MKI67: variants seen among roughly 807,000 people sequenced by gnomAD.
MKI67 encodes the protein marker of proliferation Ki-67.
In MKI67, 152 loss-of-function variants were observed where a neutral mutation model predicts 233.5. The observed-to-expected ratio is 0.65, with a 90% CI of 0.57 to 0.74. The LOEUF (loss-of-function observed/expected upper bound fraction) is 0.74. Among genes scored for constraint, MKI67 ranks in the 30% least tolerant of loss-of-function variants. MKI67 has a pLI of 0.00. For missense variants in MKI67, 3,940 were observed against 3,885.2 expected, an observed-to-expected ratio of 1.01 and a Z score of -0.37; for synonymous variants, 1,465 against 1,418.5, an observed-to-expected ratio of 1.03 and a Z score of -0.74.
Position 128,102,870 on chromosome 10 carries a change from G to A in MKI67, c.8970C>T (p.Ser2990=), listed in dbSNP as rs1250994979. The part of the protein sequence containing the change: ...PVKSQSKSNT[S]LPPLPFKRGG... ...CCCTCTTGAAGGGCAGTGGGGGCAG[G>A]GAAGTGTTGCTTTTGCTTTGTGATT... Residue 2990 remains serine (S), a synonymous_variant, in exon 13 of 15, where the codon TCC becomes TCT. Coordinates refer to ENST00000368654, the MANE Select transcript of MKI67 (RefSeq NM_002417.5). 6.2e-7 allele frequency: 1 copy of A among 1,614,070 alleles called. No individual in the cohort carries two copies. The highest frequency in any genetic ancestry group is 8.5e-7 in the Non-Finnish European group (1 of 1,180,052).
In MKI67 at chr10:128,106,137, G is replaced by C. The variant is rs951786576; in HGVS notation, c.5703C>G (p.Gly1901=). ...LAFRKLTPSA[G]KAMHTPKAAV... ...CTGCTTTAGGCGTGTGCATGGCTTT[G>C]CCTGCTGATGGTGTTAGTTTCCTGA... is the stretch of plus-strand genomic sequence containing the variant. The change falls in exon 13 of 15, where the codon GGC becomes GGG. Residue 1901 remains glycine, a synonymous_variant. Coordinates refer to ENST00000368654, the MANE Select transcript of MKI67 (RefSeq NM_002417.5). The C allele has an allele frequency of 6.8e-6, 11 of 1,613,910 alleles. No homozygotes were observed. Among genetic ancestry groups the C allele is most frequent in the Non-Finnish European group, 6.8e-6 (8 of 1,180,020 alleles).
At chr10:128,117,314 G>C (rs1022455920) in intron 5 of MKI67, among the ~76,000 whole-genome samples, 1 of 152,218 alleles carries the variant, frequency 6.6e-6, no homozygotes, top group Non-Finnish European at 1.5e-5. Flanking sequence ...CGCCCTCTTG[G>C]CTGGTGGATA....
At chr10:128,124,616 C>G (rs1853017403) in intron 2 of MKI67, among the ~76,000 whole-genome samples, 1 of 152,134 alleles carries the variant, frequency 6.6e-6, no homozygotes, top group Non-Finnish European at 1.5e-5. Context: ...CCATCCCTGG[C>G]CCTACACACG....
rs1236660287 is a variant in MKI67 at position 128,126,366 on chromosome 10, C to T, written c.-357G>A. Reference sequence around the variant, plus strand: ...GGCGCCCGGCTCTAGCGGCTCCCACCGAGTCGAGTCCTCCCGCCCGCCCGC... The same window carrying T: ...GGCGCCCGGCTCTAGCGGCTCCCACTGAGTCGAGTCCTCCCGCCCGCCCGC... On this transcript the variant is annotated 5_prime_UTR_variant, in exon 1 of 15. Coordinates refer to ENST00000368654, the MANE Select transcript of MKI67 (RefSeq NM_002417.5). 1 of 124,984 alleles carries T rather than the reference C, an allele frequency of 8.0e-6. No individual in the cohort carries two copies. The highest frequency in any genetic ancestry group is 1.7e-5 in the Non-Finnish European group (1 of 57,440). The allele number at this position is 124,984 out of a possible 1,614,324, so 7.7% of individuals were successfully genotyped here.
chr10:128,101,369 C>T lies in MKI67; in HGVS notation c.9594G>A (p.Met3198Ile). 1 of 1,614,190 alleles carries T rather than the reference C, an allele frequency of 6.2e-7. No individual in the cohort carries two copies. ...GKGEAGNSDS[M>I]CLRSRKTKSQ... ...TTTTTGTCTTTCTTGATCTCAGGCACATGGAGTCTGAATTTCCTGCTTCTC... is the reference window on the plus strand; with the variant it reads ...TTTTTGTCTTTCTTGATCTCAGGCATATGGAGTCTGAATTTCCTGCTTCTC... Residue 3198 changes from methionine (M) to isoleucine (I), a missense_variant, in exon 14 of 15, where the codon ATG becomes ATA. Met to Ile is a conservative substitution (Grantham distance 10). Coordinates refer to ENST00000368654, the MANE Select transcript of MKI67 (RefSeq NM_002417.5).
At chr10:128,101,202 A>G (rs1852325236) in intron 14 of MKI67, 56 bp downstream of exon 14, 1 of 1,558,874 alleles carries the variant, frequency 6.4e-7, no homozygotes. Flanking sequence ...CCTTGGGCAA[A>G]AAATACATCA....
chr10:128,101,634 AC>A lies in MKI67; in HGVS notation c.9328del (p.Val3110TyrfsTer2). 1 of 1,613,680 alleles carries A rather than the reference AC, an allele frequency of 6.2e-7. No homozygotes were observed. Among genetic ancestry groups the A allele is most frequent in the Non-Finnish European group, 8.5e-7 (1 of 1,179,958 alleles). ...GTTTATTTCTATTCTTTCTGCTAAT[AC>A]AAAGACCTCAGTTATTTGCTGTTCT... ...EAEQQITEVF[V>X]LAERIEINRN... On this transcript the variant is annotated frameshift_variant, in exon 14 of 15. Coordinates refer to ENST00000368654, the MANE Select transcript of MKI67 (RefSeq NM_002417.5). LOFTEE classifies it high-confidence loss of function.
chr10:128,099,096 A>T lies in MKI67; in HGVS notation c.*94T>A. 1.0e-6 allele frequency: 1 copy of T among 954,062 alleles called. No individual in the cohort carries two copies. The highest frequency in any genetic ancestry group is 1.6e-6 in the Non-Finnish European group (1 of 635,410). The allele number at this position is 954,062 out of a possible 1,614,324, so 59.1% of individuals were successfully genotyped here. A position where few individuals can be genotyped will look rare whatever the true frequency, so the allele number is the denominator to read the frequency against. ...TTCCCTTAAGCAGACTGACAGCCTT[A>T]CTTACAGAATTCACTTGTAATTTAT... On this transcript the variant is annotated 3_prime_UTR_variant, in exon 15 of 15. Transcript: ENST00000368654.
In MKI67 at chr10:128,121,758, A is replaced by T. The variant is rs185240532; in HGVS notation, c.287+1123T>A. Among the ~76,000 whole-genome samples the T allele has an allele frequency of 7.3e-4, 111 of 151,626 alleles. No homozygotes were observed. In the East Asian group the frequency reaches 0.02, roughly 28 times the overall value. ...TCAAATGTCCATCAAGAATGAATGA[A>T]TTCTGTATAGTTATGTATATTATTG... On this transcript the variant is annotated intron_variant, in intron 4 of 14. Transcript: ENST00000368654.
In MKI67 at chr10:128,098,687, A is replaced by T. The variant is rs1211663708; in HGVS notation, c.*503T>A. On this transcript the variant is annotated 3_prime_UTR_variant, in exon 15 of 15. Transcript: ENST00000368654. ...TCCTGTGCAGATGTCCAATAGCCTTAATTTGGGGACCAAATGCCCCCGGCC... is the reference window on the plus strand; with the variant it reads ...TCCTGTGCAGATGTCCAATAGCCTTTATTTGGGGACCAAATGCCCCCGGCC... The T allele has an allele frequency of 6.5e-6, 1 of 152,678 alleles. No individual in the cohort carries two copies. The highest frequency in any genetic ancestry group is 1.5e-5 in the Non-Finnish European group (1 of 68,418). 9.5% of individuals were successfully genotyped at this position (152,678 alleles called of 1,614,324 possible). A position where few individuals can be genotyped will look rare whatever the true frequency, so the allele number is the denominator to read the frequency against.
At position 128,112,357 on chromosome 10, in the gene MKI67, G is replaced by A; in HGVS notation, c.1745C>T (p.Ala582Val). ...KAQSLVISPP[A>V]PSPRKTPVAS... ...AACTGGAGTTTTCCTAGGACTAGGAGCTGGAGGGCTTATAACCAAGCTTTG... is the reference window on the plus strand; with the variant it reads ...AACTGGAGTTTTCCTAGGACTAGGAACTGGAGGGCTTATAACCAAGCTTTG... Residue 582 changes from alanine (A) to valine (V), a missense_variant, in exon 9 of 15, where the codon GCT becomes GTT. Physicochemically the swap from Ala to Val is moderately conservative, Grantham distance 64. Transcript: ENST00000368654. 6.2e-7 allele frequency: 1 copy of A among 1,614,182 alleles called. No individual in the cohort carries two copies. Among genetic ancestry groups the A allele is most frequent in the Non-Finnish European group, 8.5e-7 (1 of 1,180,012 alleles).
At position 128,107,033 on chromosome 10, in the gene MKI67, C is replaced by T. The variant is rs757551310; in HGVS notation, c.4807G>A (p.Glu1603Lys). Residue 1603 changes from glutamate (E) to lysine (K), a missense_variant, in exon 13 of 15, where the codon GAA becomes AAA. By Grantham distance (56) the Glu-to-Lys change is moderately conservative. Transcript: ENST00000368654. ...GCAGTTTTATCGTTAGTCATTGATT[C>T]CTCAGTGTGACCTCGTGTCTGGAAG... ...ELFQTRGHTE[E>K]SMTNDKTAKV... 104 of 1,613,954 alleles carry T rather than the reference C, an allele frequency of 6.4e-5. No individual in the cohort carries two copies. The highest frequency in any genetic ancestry group is 8.5e-6 in the Non-Finnish European group (10 of 1,180,026).
chr10:128,108,232 G>A lies in MKI67; in HGVS notation c.3608C>T (p.Thr1203Ile). Residue 1203 changes from threonine to isoleucine, a missense_variant, in exon 13 of 15, where the codon ACT (threonine) becomes ATT (isoleucine). Transcript: ENST00000368654. ...TPVQKLDLAGTLPGSKRQLQT... is the reference protein window; with the variant it reads ...TPVQKLDLAGILPGSKRQLQT... ...TAGCTGTCTTTTGCTGCCAGGTAAA[G>A]TTCCTGCCAGGTCCAGTTTCTGCAC... is the stretch of plus-strand genomic sequence containing the variant. The A allele has an allele frequency of 6.2e-7, 1 of 1,609,912 alleles. No individual in the cohort carries two copies.
intron 7 of MKI67, among the ~76,000 whole-genome samples, chr10:128,114,552 C>G (rs985192195): frequency 6.6e-6 from 1 of 151,422 alleles, no homozygotes; most frequent in Non-Finnish European, 1.5e-5. Context: ...TCCACATGAC[C>G]AAACTCATAT....
At chr10:128,121,003 G>C (rs1358091329) in intron 4 of MKI67, among the ~76,000 whole-genome samples, 1 of 152,006 alleles carries the variant, frequency 6.6e-6, no homozygotes, top group Non-Finnish European at 1.5e-5. Flanking sequence ...TAAAATTAAG[G>C]GGGTGGAAAA....
rs767647045 is a variant in MKI67, at chr10:128,114,878, A to G, written c.1480+50T>C. On this transcript the variant is annotated intron_variant, in intron 7 of 14. Transcript: ENST00000368654. The stretch of plus-strand genomic sequence containing the variant: ...AAGAATGAAGGTCTCACAGCTACAT[A>G]GAAGGTGTTCATCTTTTAGAAAAAT... The G allele has an allele frequency of 4.1e-6, 6 of 1,472,922 alleles. No homozygotes were observed. The African/African-American group carries it at 7.1e-5, about 17-fold the overall frequency. The allele number at this position is 1,472,922 out of a possible 1,614,324, so 91.2% of individuals were successfully genotyped here.
chr10:128,116,431 A>G (rs547502710), intron 6 of MKI67, 60 bp downstream of exon 6: 5 of 1,478,816 alleles, frequency 3.4e-6, no homozygotes, highest in African/African-American at 1.4e-5. Flanking sequence ...TTCTTTGCCA[A>G]TATGCTTCGC....
intron 12 of MKI67, 30 bp from the exon 13 acceptor site, chr10:128,109,453 T>A: frequency 6.3e-7 from 1 of 1,583,512 alleles, no homozygotes; most frequent in Non-Finnish European, 8.6e-7. Context: ...AATAAAAACA[T>A]TCTATTAGTG....
In MKI67 at chr10:128,104,034, T is replaced by C. The variant is rs556597103; in HGVS notation, c.7806A>G (p.Arg2602=). 1 of 1,614,052 alleles carries C rather than the reference T, an allele frequency of 6.2e-7. No individual in the cohort carries two copies. The highest frequency in any genetic ancestry group is 1.1e-5 in the South Asian group (1 of 91,078). Residue 2602 remains arginine, a synonymous_variant, in exon 13 of 15, where the codon AGA becomes AGG. Transcript: ENST00000368654. ...ELTDTATSTK[R]CPKTRPRKEV... Reference sequence around the variant, plus strand: ...CTTTCCTGGGACGTGTCTTGGGGCATCTCTTTGTGCTCGTGGCAGTGTCTG... The same window carrying C: ...CTTTCCTGGGACGTGTCTTGGGGCACCTCTTTGTGCTCGTGGCAGTGTCTG...
Sources: allele counts gnomAD v4.1 joint callset (sites outside exome capture counted in the v4.1 genomes callset), GRCh38; gene constraint gnomAD v4.1.1; transcripts MANE v1.5; gene names NCBI Gene and HGNC (gene_info 2026-07-23, HGNC 2026-07-21).